The following AMOTL1 variants were observed in gnomAD, a reference collection of about 807,000 sequenced individuals.
The protein encoded by AMOTL1 is angiomotin-like protein 1.
In AMOTL1, 45 loss-of-function variants were observed where a neutral mutation model predicts 102.9. The ratio of observed to expected loss-of-function variants is 0.44; its 90% CI spans 0.34 to 0.56. The LOEUF is 0.56. Ranked by LOEUF, AMOTL1 falls within the 20% of genes least tolerant of loss-of-function variation. AMOTL1 has a pLI of 0.01. For synonymous variants in AMOTL1, 481 were observed against 484.7 expected, an observed-to-expected ratio of 0.99 and a Z score of 0.10; for missense variants, 1,114 against 1,225.6, an observed-to-expected ratio of 0.91 and a Z score of 1.36.
At chr11:94,779,097 A>G (rs765224557) in intron 1 of AMOTL1, among the ~76,000 whole-genome samples, 20 of 152,228 alleles carry the variant, frequency 1.3e-4, no homozygotes, top group Non-Finnish European at 2.8e-4. Context: ...AGGTGTGTCA[A>G]AGAATTTGCA....
At chr11:94,780,156 G>T (rs1452169385) in intron 1 of AMOTL1, among the ~76,000 whole-genome samples, 1 of 152,160 alleles carries the variant, frequency 6.6e-6, no homozygotes, top group Non-Finnish European at 1.5e-5. Flanking sequence ...TGTTTGTAAT[G>T]CTCAGTACAG....
rs542188841 is a variant in AMOTL1, at chr11:94,843,016, A to G, written c.1649-7098A>G. 3.0e-4 allele frequency among the ~76,000 whole-genome samples: 45 copies of G among 152,312 alleles called. 1 individual carries two copies. The South Asian group carries it at 9.3e-3, about 32-fold the overall frequency. ...CACCTTAACCACCCACTTGCAGCCTATGTATCCAGCTGCCTGGCAGAACCC... is the reference window on the plus strand; with the variant it reads ...CACCTTAACCACCCACTTGCAGCCTGTGTATCCAGCTGCCTGGCAGAACCC... On this transcript the variant is annotated intron_variant, in intron 6 of 12. Transcript: ENST00000433060.
intron 6 of AMOTL1, among the ~76,000 whole-genome samples, chr11:94,843,871 A>G (rs547429981): frequency 1.3e-5 from 2 of 152,182 alleles, no homozygotes; most frequent in African/African-American, 4.8e-5. Flanking sequence ...ATTCCAGGTT[A>G]GGAAGCATTG....
At chr11:94,769,548 A>G (rs950222341) in intron 1 of AMOTL1, among the ~76,000 whole-genome samples, 6 of 152,122 alleles carry the variant, frequency 3.9e-5, no homozygotes, top group African/African-American at 9.7e-5. Flanking sequence ...TACTCTTCCT[A>G]TCTTTACTGA....
chr11:94,767,229 G>A (rs753018460), upstream of AMOTL1, among the ~76,000 whole-genome samples: 1 of 152,072 alleles, frequency 6.6e-6, no homozygotes, highest in Non-Finnish European at 1.5e-5. Context: ...TCTTTTGTGT[G>A]TACCAGGGTA....
intron 1 of AMOTL1, among the ~76,000 whole-genome samples, chr11:94,776,751 G>A (rs540512743): frequency 6.6e-5 from 10 of 152,312 alleles, no homozygotes; most frequent in African/African-American, 2.4e-4. Context: ...TTCTGACACG[G>A]GTGGTGTTCT....
chr11:94,833,498 T>C (rs1024219078), intron 6 of AMOTL1, among the ~76,000 whole-genome samples: 17 of 152,260 alleles, frequency 1.1e-4, no homozygotes, highest in African/African-American at 3.9e-4. Flanking sequence ...CTTTATCTTA[T>C]AGAAGACACT....
intron 6 of AMOTL1, among the ~76,000 whole-genome samples, chr11:94,839,242 C>T (rs1329645474): frequency 1.3e-5 from 2 of 152,210 alleles, no homozygotes; most frequent in African/African-American, 4.8e-5. Context: ...TCAGGCCAGA[C>T]CGGCTGTGGT....
intron 3 of AMOTL1, among the ~76,000 whole-genome samples, chr11:94,760,616 G>T (rs1450287477): frequency 1.3e-5 from 2 of 152,176 alleles, no homozygotes; most frequent in African/African-American, 4.8e-5. Context: ...CTTGGAGAAG[G>T]CTTCCCCTTT....
intron 3 of AMOTL1, among the ~76,000 whole-genome samples, chr11:94,755,814 G>C (rs1249343611): frequency 1.3e-5 from 2 of 152,170 alleles, no homozygotes; most frequent in East Asian, 3.9e-4. Context: ...GTGTGTTACA[G>C]TGTGCTCTTT....
intron 2 of AMOTL1, among the ~76,000 whole-genome samples, chr11:94,736,936 T>G (rs1950446665): frequency 6.6e-6 from 1 of 152,242 alleles, no homozygotes; most frequent in Non-Finnish European, 1.5e-5. Flanking sequence ...AATAAATGTT[T>G]GTTTAATTAA....
intron 2 of AMOTL1, chr11:94,740,338 G>A (rs1355755588): frequency 6.6e-6 from 1 of 152,252 alleles, no homozygotes; most frequent in East Asian, 1.9e-4. Flanking sequence ...GTTAGAACGG[G>A]TTATGCTCTG....
intron 4 of AMOTL1, among the ~76,000 whole-genome samples, chr11:94,824,129 G>A (rs1429798836): frequency 1.3e-5 from 2 of 152,090 alleles, no homozygotes; most frequent in African/African-American, 4.8e-5. Flanking sequence ...TAAAAGTTGT[G>A]GCCTAAAGGA....
At chr11:94,761,193 CTT>C (rs57096553) in intron 3 of AMOTL1, among the ~76,000 whole-genome samples, 45 of 136,964 alleles carry the variant, frequency 3.3e-4, no homozygotes, top group African/African-American at 8.0e-4. Flanking sequence ...TTTTTCTTTT[CTT>C]TTTTTTTTTT....
intron 6 of AMOTL1, among the ~76,000 whole-genome samples, chr11:94,846,572 A>G (rs920649829): frequency 6.6e-6 from 1 of 152,212 alleles, no homozygotes; most frequent in Non-Finnish European, 1.5e-5. Context: ...ATTAGTTAAT[A>G]TTTGTAAATG....
At chr11:94,731,515 G>C (rs1950351663) in intron 2 of AMOTL1, among the ~76,000 whole-genome samples, 1 of 152,166 alleles carries the variant, frequency 6.6e-6, no homozygotes, top group South Asian at 2.1e-4. Flanking sequence ...GAGGATACTG[G>C]CACTCGGAGA....
intron 1 of AMOTL1, among the ~76,000 whole-genome samples, chr11:94,780,535 T>A (rs547996764): frequency 1.3e-5 from 2 of 152,354 alleles, no homozygotes; most frequent in South Asian, 2.1e-4. Context: ...TTTCATCTCT[T>A]ATCTGCCTGA....
chr11:94,795,922 A>G (rs1399538104), intron 2 of AMOTL1, among the ~76,000 whole-genome samples: 1 of 152,164 alleles, frequency 6.6e-6, no homozygotes, highest in Non-Finnish European at 1.5e-5. Flanking sequence ...TGTCCTCTTT[A>G]CTTTCGTAAC....
chr11:94,710,474 C>T (rs559534738), intron 1 of AMOTL1, among the ~76,000 whole-genome samples: 4 of 152,254 alleles, frequency 2.6e-5, no homozygotes, highest in Non-Finnish European at 2.9e-5. Flanking sequence ...TCACAAGGTT[C>T]GTGTGGCGAT....
Sources: gnomAD v4.1 joint callset for allele counts (sites outside exome capture counted in the v4.1 genomes callset) on GRCh38, gnomAD v4.1.1 for gene constraint, MANE v1.5 for transcripts, NCBI Gene and HGNC (gene_info 2026-07-23, HGNC 2026-07-21) for gene names.